Variants in SORCS3 observed in about 807,000 individuals in gnomAD.
SORCS3 encodes sortilin related VPS10 domain containing receptor 3.
SORCS3 carries 57 observed loss-of-function variants against 146.3 expected under a neutral mutation model. The observed-to-expected ratio is 0.39, with a 90% CI of 0.31 to 0.49. The LOEUF (loss-of-function observed/expected upper bound fraction) is 0.49, where lower values mean the gene tolerates loss of function less well. Among genes scored for constraint, SORCS3 ranks in the 20% least tolerant of loss-of-function variants. SORCS3 has a pLI of 0.92. For missense variants in SORCS3, 1,341 were observed against 1,575.5 expected, an observed-to-expected ratio of 0.85 and a Z score of 2.52; for synonymous variants, 653 against 618.5, an observed-to-expected ratio of 1.06 and a Z score of -0.83.
At chr10:105,045,500 T>C (rs375195221) in intron 5 of SORCS3, among the ~76,000 whole-genome samples, 18 of 152,162 alleles carry the variant, frequency 1.2e-4, no homozygotes, top group Admixed American at 1.3e-4. Flanking sequence ...GTGTGAGTCA[T>C]GGCAAAAGAG....
chr10:105,224,685 C>T (rs2056723752), intron 20 of SORCS3, among the ~76,000 whole-genome samples: 2 of 152,092 alleles, frequency 1.3e-5, no homozygotes, highest in Admixed American at 6.6e-5. Context: ...ACTGGTTGGA[C>T]CATTTTGGAT....
chr10:105,147,751 G>A lies in SORCS3; in HGVS notation c.1437G>A (p.Lys479=). The A allele has an allele frequency of 6.2e-7, 1 of 1,613,020 alleles. No individual in the cohort carries two copies. Among genetic ancestry groups the A allele is most frequent in the Non-Finnish European group, 8.5e-7 (1 of 1,179,270 alleles). The stretch of plus-strand genomic sequence containing the variant: ...TCACTCTGGCCATGGAGAACATCAA[G>A]AGCAGCAGAGGTCTAATGGGGAACA... ...IYFTLAMENI[K]SSRGLMGNII... Residue 479 remains lysine (K), a synonymous_variant, in exon 9 of 27, where the codon AAG becomes AAA. Transcript: ENST00000369701.
chr10:104,834,698 A>AT (rs149897704), intron 1 of SORCS3, among the ~76,000 whole-genome samples: 2,313 of 136,860 alleles, frequency 0.017, 39 homozygotes, highest in African/African-American at 0.052. Context: ...TTTGTTACCT[A>AT]TTTTTTTTTT....
intron 1 of SORCS3, among the ~76,000 whole-genome samples, chr10:104,680,254 T>A (rs1212668950): frequency 6.6e-6 from 1 of 151,818 alleles, no homozygotes; most frequent in Non-Finnish European, 1.5e-5. Context: ...CATGCCAGAG[T>A]TGCATAGTAA....
intron 1 of SORCS3, among the ~76,000 whole-genome samples, chr10:104,766,968 T>C (rs1343814039): frequency 6.6e-6 from 1 of 152,212 alleles, no homozygotes; most frequent in Non-Finnish European, 1.5e-5. Flanking sequence ...CATTCCAGTA[T>C]TATAGACAAG....
chr10:104,737,475 C>G (rs1378316906), intron 1 of SORCS3, among the ~76,000 whole-genome samples: 1 of 152,212 alleles, frequency 6.6e-6, no homozygotes, highest in Non-Finnish European at 1.5e-5. Context: ...GCCATTCTAA[C>G]TGGTGTGAGA....
intron 2 of SORCS3, among the ~76,000 whole-genome samples, chr10:104,894,464 A>G (rs2018779526): frequency 6.6e-6 from 1 of 152,194 alleles, no homozygotes; most frequent in African/African-American, 2.4e-5. Flanking sequence ...TGTGCTCCTT[A>G]GCTGTGCTTT....
intron 25 of SORCS3, 37 bp downstream of exon 25, chr10:105,256,961 G>T: frequency 7.0e-7 from 1 of 1,427,350 alleles, no homozygotes; most frequent in South Asian, 1.2e-5. Flanking sequence ...TAGTGGGGTT[G>T]GGGTCATTGC....
At chr10:104,791,344 C>T (rs945691034) in intron 1 of SORCS3, among the ~76,000 whole-genome samples, 2 of 152,162 alleles carry the variant, frequency 1.3e-5, no homozygotes, top group African/African-American at 4.8e-5. Flanking sequence ...TTGTTGAACT[C>T]GACAAACAGC....
rs949739398 is a variant in SORCS3 at position 105,254,907 on chromosome 10, G to A, written c.3238-795G>A. On this transcript the variant is annotated intron_variant, in intron 23 of 26. Coordinates refer to ENST00000369701, the MANE Select transcript of SORCS3 (RefSeq NM_014978.3). ...AAAATCCACATAGAAGTGGATCTGCGGCCAGGCGCGGTGGCTCACGCCTGT... is the reference window on the plus strand; with the variant it reads ...AAAATCCACATAGAAGTGGATCTGCAGCCAGGCGCGGTGGCTCACGCCTGT... Among the ~76,000 whole-genome samples the A allele has an allele frequency of 2.6e-5, 4 of 151,848 alleles. 1 individual carries two copies. Among genetic ancestry groups the A allele is most frequent in the Non-Finnish European group, 5.9e-5 (4 of 67,964 alleles).
intron 5 of SORCS3, among the ~76,000 whole-genome samples, chr10:105,082,915 A>T (rs1013550727): frequency 1.3e-5 from 2 of 152,088 alleles, no homozygotes; most frequent in Admixed American, 1.3e-4. Context: ...TTTTTAGTAG[A>T]GACAGGGTTT....
intron 3 of SORCS3, among the ~76,000 whole-genome samples, chr10:104,917,457 T>C (rs1191503980): frequency 1.3e-5 from 2 of 152,210 alleles, no homozygotes; most frequent in Non-Finnish European, 2.9e-5. Context: ...TCTAGCTAAT[T>C]AACAAATGCA....
At chr10:105,207,046 A>G (rs2056606389) in intron 16 of SORCS3, among the ~76,000 whole-genome samples, 2 of 152,102 alleles carry the variant, frequency 1.3e-5, no homozygotes, top group African/African-American at 4.8e-5. Context: ...TCAGAATGTC[A>G]TTCCTGGGGA....
At chr10:104,770,473 T>C (rs370757862) in intron 1 of SORCS3, among the ~76,000 whole-genome samples, 2 of 152,082 alleles carry the variant, frequency 1.3e-5, no homozygotes, top group African/African-American at 2.4e-5. Flanking sequence ...CACTGCTTGA[T>C]AGAAGTACAA....
chr10:105,107,943 C>T (rs1260102888), intron 7 of SORCS3, among the ~76,000 whole-genome samples: 3 of 152,098 alleles, frequency 2.0e-5, no homozygotes, highest in East Asian at 3.9e-4. Flanking sequence ...ATTGTAGTAC[C>T]TACTTCATGG....
intron 3 of SORCS3, among the ~76,000 whole-genome samples, chr10:104,960,912 A>G (rs919147803): frequency 6.6e-6 from 1 of 152,202 alleles, no homozygotes; most frequent in African/African-American, 2.4e-5. Context: ...AATAAGTATT[A>G]GTGACAATCT....
chr10:104,748,872 C>G (rs1304550046), intron 1 of SORCS3, among the ~76,000 whole-genome samples: 1 of 152,078 alleles, frequency 6.6e-6, no homozygotes, highest in East Asian at 1.9e-4. Context: ...AAAAAGAATT[C>G]TTTAGATTCT....
At chr10:105,160,904 A>AT (rs2056256621) in intron 11 of SORCS3, among the ~76,000 whole-genome samples, 1 of 152,050 alleles carries the variant, frequency 6.6e-6, no homozygotes, top group African/African-American at 2.4e-5. Context: ...TCTGAGCTTC[A>AT]TTTTTCTCAT....
intron 7 of SORCS3, among the ~76,000 whole-genome samples, chr10:105,126,666 A>T (rs996845160): frequency 6.6e-6 from 1 of 152,160 alleles, no homozygotes; most frequent in Non-Finnish European, 1.5e-5. Context: ...TCTGGCAAAC[A>T]TGAGTTTAAA....
Sources: gnomAD v4.1 joint callset for allele counts (sites outside exome capture counted in the v4.1 genomes callset) on GRCh38, gnomAD v4.1.1 for gene constraint, MANE v1.5 for transcripts, NCBI Gene and HGNC (gene_info 2026-07-23, HGNC 2026-07-21) for gene names.